The following TBXAS1 variants were observed in gnomAD, a reference collection of about 807,000 sequenced individuals.
TBXAS1 encodes the protein thromboxane-A synthase.
A neutral mutation model predicts 60.7 loss-of-function variants in TBXAS1; 48 were observed. That is an observed-to-expected ratio of 0.79 (90% CI 0.63 to 1.01). The LOEUF (loss-of-function observed/expected upper bound fraction) is 1.01, where lower values mean the gene tolerates loss of function less well. Among genes scored for constraint, TBXAS1 ranks in the 50% least tolerant of loss-of-function variants. The pLI is 0.00. For missense variants in TBXAS1, 685 were observed against 686.3 expected, an observed-to-expected ratio of 1.00 and a Z score of 0.02; for synonymous variants, 287 against 269.7, an observed-to-expected ratio of 1.06 and a Z score of -0.63.
chr7:139,792,164 G>T (rs1797407307), intron 4 of TBXAS1, among the ~76,000 whole-genome samples: 1 of 152,114 alleles, frequency 6.6e-6, no homozygotes, highest in Admixed American at 6.5e-5. Context: ...TGTCCTAAAA[G>T]GATATACTTC....
At chr7:139,966,093 G>T (rs1207907312) in intron 9 of TBXAS1, among the ~76,000 whole-genome samples, 2 of 152,090 alleles carry the variant, frequency 1.3e-5, no homozygotes, top group Non-Finnish European at 2.9e-5. Context: ...CAGACTCCGG[G>T]GCTCCAGCCC....
chr7:139,840,572 G>T lies in TBXAS1; in HGVS notation c.89+11093G>T, dbSNP rs1799367271. On this transcript the variant is annotated intron_variant, in intron 1 of 12. Coordinates refer to ENST00000448866, the MANE Select transcript of TBXAS1 (RefSeq NM_001061.7). The stretch of plus-strand genomic sequence containing the variant: ...CGTGGTGGGTTGGGCAACTAGACCC[G>T]CTGAGATGGTCCCTTGAAAACGGCG... Among the ~76,000 whole-genome samples, 4 of 152,266 alleles carry T rather than the reference G, an allele frequency of 2.6e-5. No individual in the cohort carries two copies. In the South Asian group the frequency reaches 8.3e-4, roughly 32 times the overall value.
intron 1 of TBXAS1, among the ~76,000 whole-genome samples, chr7:139,833,013 G>A (rs1349541574): frequency 6.6e-6 from 1 of 152,040 alleles, no homozygotes; most frequent in African/African-American, 2.4e-5. Flanking sequence ...CCTCTTTAAA[G>A]CATAAATCAC....
chr7:139,813,747 A>G (rs1295745339), intron 4 of TBXAS1, among the ~76,000 whole-genome samples: 2 of 152,196 alleles, frequency 1.3e-5, no homozygotes, highest in East Asian at 3.8e-4. Context: ...AAGCATTAAG[A>G]AATACTAGGT....
chr7:139,889,512 G>T (rs1299789241), intron 3 of TBXAS1, among the ~76,000 whole-genome samples: 1 of 152,148 alleles, frequency 6.6e-6, no homozygotes, highest in Non-Finnish European at 1.5e-5. Flanking sequence ...GTTGGAGCTT[G>T]TCCTCATCCT....
intron 4 of TBXAS1, among the ~76,000 whole-genome samples, chr7:139,791,117 C>T (rs766621892): frequency 6.6e-6 from 1 of 152,132 alleles, no homozygotes; most frequent in Non-Finnish European, 1.5e-5. Flanking sequence ...GGTTTTGGAT[C>T]TTATATCTGA....
At chr7:139,970,017 G>A (rs566338976) in intron 9 of TBXAS1, among the ~76,000 whole-genome samples, 4 of 152,230 alleles carry the variant, frequency 2.6e-5, no homozygotes, top group Non-Finnish European at 4.4e-5. Flanking sequence ...AAAGTTTAAC[G>A]TGCACGGGAA....
rs149321310 is a variant in TBXAS1, at chr7:139,843,193, C to A, written c.89+13714C>A. On this transcript the variant is annotated intron_variant, in intron 1 of 12. Transcript: ENST00000448866. ...TTGGTTTAACTGAACTCCTGCCTAA[C>A]CTTCAAAATCTTGTCTAAATGTCAC... 4.1e-4 allele frequency among the ~76,000 whole-genome samples: 62 copies of A among 152,264 alleles called. No individual in the cohort carries two copies. The South Asian group carries it at 5.4e-3, about 13-fold the overall frequency.
chr7:139,779,503 G>A (rs1354884688), intron 1 of TBXAS1, among the ~76,000 whole-genome samples: 4 of 152,194 alleles, frequency 2.6e-5, no homozygotes, highest in Non-Finnish European at 5.9e-5. Flanking sequence ...TGAAGAAATG[G>A]AGTCCAGAGA....
At chr7:139,898,956 G>A (rs1310660578) in intron 3 of TBXAS1, among the ~76,000 whole-genome samples, 1 of 150,276 alleles carries the variant, frequency 6.7e-6, no homozygotes, top group East Asian at 2.0e-4. Context: ...ACTGCCAGCC[G>A]CCACTCTGCC....
chr7:139,910,614 A>G (rs1242031357), intron 3 of TBXAS1, among the ~76,000 whole-genome samples: 3 of 152,176 alleles, frequency 2.0e-5, no homozygotes, highest in Non-Finnish European at 4.4e-5. Context: ...TACAGCCTGG[A>G]CAAAAGAGCA....
chr7:139,813,083 TAAAATA>T (rs1327551189), intron 4 of TBXAS1, among the ~76,000 whole-genome samples: 4 of 5,278 alleles, frequency 7.6e-4, no homozygotes, highest in Non-Finnish European at 1.1e-3. Flanking sequence ...ATAAATAAAA[TAAAATA>T]AAATAAAATA....
At chr7:139,960,110 G>A (rs562907686) in intron 8 of TBXAS1, among the ~76,000 whole-genome samples, 2 of 152,330 alleles carry the variant, frequency 1.3e-5, no homozygotes, top group Middle Eastern at 6.8e-3. Context: ...CAACCCAGCA[G>A]GCTGTTGGGA....
Position 140,006,489 on chromosome 7 carries a change from A to G in TBXAS1, c.1135-602A>G, listed in dbSNP as rs151004509. On this transcript the variant is annotated intron_variant, in intron 9 of 12. Coordinates refer to ENST00000448866, the MANE Select transcript of TBXAS1 (RefSeq NM_001061.7). ...CATTGGAACTTGCATTTTTCATTAT[A>G]GTAACTCATATGGCCTCTGTGTTTC... 7.0e-3 allele frequency among the ~76,000 whole-genome samples: 1,073 copies of G among 152,320 alleles called. 13 individuals carry two copies. The highest frequency in any genetic ancestry group is 0.023 in the African/African-American group (976 of 41,564).
chr7:139,872,143 T>C, intron 1 of TBXAS1, 92 bp from the exon 2 acceptor site: 7 of 1,327,354 alleles, frequency 5.3e-6, no homozygotes, highest in Non-Finnish European at 7.6e-6. Context: ...TGCCTTTACT[T>C]CCAGAGAGCT....
At chr7:139,813,504 A>C (rs1798074023) in intron 4 of TBXAS1, among the ~76,000 whole-genome samples, 1 of 152,208 alleles carries the variant, frequency 6.6e-6, no homozygotes, top group Non-Finnish European at 1.5e-5. Context: ...CCAGGTTTCC[A>C]TAGGTTTGTC....
At chr7:139,874,971 T>C (rs1554480082) in intron 2 of TBXAS1, among the ~76,000 whole-genome samples, 1 of 152,160 alleles carries the variant, frequency 6.6e-6, no homozygotes, top group Non-Finnish European at 1.5e-5. Context: ...GGCACATGCC[T>C]GTAATCCCAG....
chr7:139,898,413 CTTTTTTTTTTTT>C (rs71170921), intron 3 of TBXAS1, among the ~76,000 whole-genome samples: 28 of 82,254 alleles, frequency 3.4e-4, no homozygotes, highest in East Asian at 2.6e-3. Flanking sequence ...ACGTGCATGG[CTTTTTTTTTTTT>C]TTTTTTTTTT....
intron 1 of TBXAS1, among the ~76,000 whole-genome samples, chr7:139,857,922 T>A (rs1318526273): frequency 6.6e-6 from 1 of 151,660 alleles, no homozygotes; most frequent in Non-Finnish European, 1.5e-5. Context: ...TTTGTAGAGG[T>A]GGGGTCTTGC....
Sources: gnomAD v4.1 joint callset for allele counts (sites outside exome capture counted in the v4.1 genomes callset) on GRCh38, gnomAD v4.1.1 for gene constraint, MANE v1.5 for transcripts, NCBI Gene and HGNC (gene_info 2026-07-23, HGNC 2026-07-21) for gene names.